The following RPS6KA1 variants were observed in gnomAD, a reference collection of about 807,000 sequenced individuals.
RPS6KA1 encodes ribosomal protein S6 kinase alpha-1.
RPS6KA1 carries 48 observed loss-of-function variants against 91.3 expected under a neutral mutation model. The ratio of observed to expected loss-of-function variants is 0.53; its 90% confidence interval spans 0.42 to 0.67. The LOEUF (loss-of-function observed/expected upper bound fraction) is 0.67. RPS6KA1 is among the 30% of genes least tolerant of loss of function. The pLI, the probability that RPS6KA1 is intolerant of heterozygous loss-of-function variation, is 0.00. For synonymous variants in RPS6KA1, 359 were observed against 384.7 expected (o/e 0.93, Z 0.78); for missense variants, 719 against 960.5 (o/e 0.75, Z 3.32).
Position 26,544,113 on chromosome 1 carries a change from TTCCTGGGGA to T in RPS6KA1, c.109-2750_109-2742del, listed in dbSNP as rs1337922043. ...AACCCACAGCTCTGCCCTTAACCCC[TTCCTGGGGA>T]TCCCTGCCCTGCTGCCTGCCCGTGT... On this transcript the variant is annotated intron_variant, in intron 2 of 21. Transcript: ENST00000374168. 7 of 456,284 alleles carry T rather than the reference TTCCTGGGGA, an allele frequency of 1.5e-5. No individual in the cohort carries two copies. The East Asian group carries it at 4.2e-4, about 27-fold the overall frequency. 28.3% of individuals were successfully genotyped at this position (456,284 alleles called of 1,614,324 possible).
chr1:26,554,317 G>C lies in RPS6KA1; in HGVS notation c.613+66G>C, dbSNP rs919427533. 30 of 1,486,528 alleles carry C rather than the reference G, an allele frequency of 2.0e-5. No individual in the cohort carries two copies. The highest frequency in any genetic ancestry group is 2.7e-5 in the Non-Finnish European group (30 of 1,092,842). 92.1% of individuals were successfully genotyped at this position (1,486,528 alleles called of 1,614,324 possible). A position where few individuals can be genotyped will look rare whatever the true frequency, so the allele number is the denominator to read the frequency against. ...ACAGGACAAGGTCATGATAGGTCTC[G>C]GCTGAGTGCTGGGGGCTCATTCTTC... On this transcript the variant is annotated intron_variant, in intron 8 of 21. Transcript: ENST00000374168. This position sits in a 1 kb window ranked among gnomAD's most constrained non-coding sequence, Gnocchi z 4.6.
Position 26,540,409 on chromosome 1 carries a change from CT to C in RPS6KA1, c.108+3447del, listed in dbSNP as rs1190329210. On this transcript the variant is annotated intron_variant, in intron 2 of 21. Coordinates refer to ENST00000374168, the MANE Select transcript of RPS6KA1 (RefSeq NM_002953.4). The surrounding 1 kb of genome is among the most constrained non-coding windows in gnomAD (Gnocchi z 4.2). ...ACAGGTCTTTCTCTACCTGGAGTGT[CT>C]TTTTTTCCTCCTTTCTGCCTGGCCA... Among the ~76,000 whole-genome samples, 1 of 152,164 alleles carries C rather than the reference CT, an allele frequency of 6.6e-6. No individual in the cohort carries two copies. The highest frequency in any genetic ancestry group is 2.4e-5 in the African/African-American group (1 of 41,432).
At chr1:26,541,966 G>C (rs1263654289) in intron 2 of RPS6KA1, among the ~76,000 whole-genome samples, 1 of 152,218 alleles carries the variant, frequency 6.6e-6, no homozygotes, top group Non-Finnish European at 1.5e-5. Flanking sequence ...GGGGGATGGG[G>C]CAGGGACCAA....
Position 26,571,689 on chromosome 1 carries a change from A to G in RPS6KA1, c.1752+79A>G, listed in dbSNP as rs1454455596. 2 of 1,543,088 alleles carry G rather than the reference A, an allele frequency of 1.3e-6. No homozygotes were observed. The highest frequency in any genetic ancestry group is 1.4e-5 in the African/African-American group (1 of 73,338). On this transcript the variant is annotated intron_variant, in intron 18 of 21. Transcript: ENST00000374168. The surrounding 1 kb of genome is among the most constrained non-coding windows in gnomAD (Gnocchi z 5.1). ...TGCCCCCTCCCAGAGGCCCCACATT[A>G]GCCGGGACTCCAGTCTCTGTGACCT...
Position 26,573,055 on chromosome 1 carries a change from G to A in RPS6KA1, c.1948-169G>A, listed in dbSNP as rs1459599446. Among the ~76,000 whole-genome samples, 10 of 152,328 alleles carry A rather than the reference G, an allele frequency of 6.6e-5. 1 individual carries two copies. In the South Asian group the frequency reaches 1.9e-3, roughly 28 times the overall value. ...TAGAGCAGCAAAGGCCCAGCGACAG[G>A]AACCTTGGCTGTGTGCGGGGAGCCC... On this transcript the variant is annotated intron_variant, in intron 20 of 21. Coordinates refer to ENST00000374168, the MANE Select transcript of RPS6KA1 (RefSeq NM_002953.4).
In RPS6KA1 at chr1:26,555,069, G is replaced by T. The variant is rs933676759; in HGVS notation, c.757-82G>T. 4 of 1,356,018 alleles carry T rather than the reference G, an allele frequency of 2.9e-6. No homozygotes were observed. Among genetic ancestry groups the T allele is most frequent in the Non-Finnish European group, 4.2e-6 (4 of 955,720 alleles). 84.0% of individuals were successfully genotyped at this position (1,356,018 alleles called of 1,614,324 possible). A position where few individuals can be genotyped will look rare whatever the true frequency, so the allele number is the denominator to read the frequency against. On this transcript the variant is annotated intron_variant, in intron 9 of 21. Transcript: ENST00000374168. This position sits in a 1 kb window ranked among gnomAD's most constrained non-coding sequence, Gnocchi z 4.3. ...GTATCAGCAAGAATCCTGGGACTGGGGCAGAGGGGTCTGACTGGGAGGAGG... is the reference window on the plus strand; with the variant it reads ...GTATCAGCAAGAATCCTGGGACTGGTGCAGAGGGGTCTGACTGGGAGGAGG...
At chr1:26,553,314 G>C (rs1197913700) in intron 6 of RPS6KA1, 77 bp from the exon 7 acceptor site, 1 of 987,734 alleles carries the variant, frequency 1.0e-6, no homozygotes, top group African/African-American at 1.6e-5. Flanking sequence ...TCAGGACCAG[G>C]AAGCTGCTGA....
intron 13 of RPS6KA1, among the ~76,000 whole-genome samples, chr1:26,557,565 T>C (rs2076113704): frequency 6.6e-6 from 1 of 152,114 alleles, no homozygotes; most frequent in Non-Finnish European, 1.5e-5. Context: ...CGTGTACTTA[T>C]CTGGAACAAG....
intron 17 of RPS6KA1, among the ~76,000 whole-genome samples, chr1:26,566,643 T>G (rs2076205283): frequency 6.6e-6 from 1 of 152,196 alleles, no homozygotes; most frequent in African/African-American, 2.4e-5. Context: ...GACCTCTTCA[T>G]ATGTTTATTG....
chr1:26,560,627 C>G, intron 14 of RPS6KA1, 99 bp from the exon 15 acceptor site: 1 of 1,482,462 alleles, frequency 6.7e-7, no homozygotes. Context: ...CCTGGCCCTT[C>G]CCTGGTGCTG....
At chr1:26,560,961 C>T (rs1222455853) in intron 15 of RPS6KA1, 84 bp from the exon 16 acceptor site, 70 of 1,598,650 alleles carry the variant, frequency 4.4e-5, no homozygotes, top group Non-Finnish European at 5.7e-5. Flanking sequence ...GGTGTGTGGC[C>T]GAGACCTCCT....
At position 26,574,298 on chromosome 1, in the gene RPS6KA1, T is replaced by C; in HGVS notation, c.*97T>C. 1.3e-6 allele frequency: 2 copies of C among 1,521,094 alleles called. No homozygotes were observed. Among genetic ancestry groups the C allele is most frequent in the Non-Finnish European group, 1.8e-6 (2 of 1,096,114 alleles). The allele number at this position is 1,521,094 out of a possible 1,614,324, so 94.2% of individuals were successfully genotyped here. A position where few individuals can be genotyped will look rare whatever the true frequency, so the allele number is the denominator to read the frequency against. ...CCGGAACCACAGGGCCAGAGGGAGC[T>C]GGAACCCGAGGGGCCGGGGAAGCTG... On this transcript the variant is annotated 3_prime_UTR_variant, in exon 22 of 22. Transcript: ENST00000374168. This position sits in a 1 kb window ranked among gnomAD's most constrained non-coding sequence, Gnocchi z 4.3.
In RPS6KA1 at chr1:26,551,702, C is replaced by A. The variant is rs755963946; in HGVS notation, c.447C>A (p.Leu149=). The A allele has an allele frequency of 2.5e-6, 4 of 1,614,078 alleles. No homozygotes were observed. In the African/African-American group the frequency reaches 5.3e-5, roughly 22 times the overall value. The change falls in exon 6 of 22, where the codon CTC becomes CTA. Residue 149 remains leucine, a synonymous_variant. Coordinates refer to ENST00000374168, the MANE Select transcript of RPS6KA1 (RefSeq NM_002953.4). The surrounding 1 kb of genome is among the most constrained non-coding windows in gnomAD (Gnocchi z 4.5). ...LILDFLRGGD[L]FTRLSKEVMF... ...TGGACTTCCTGCGTGGTGGGGACCTCTTCACCCGGCTCTCAAAAGAGGTGA... is the reference window on the plus strand; with the variant it reads ...TGGACTTCCTGCGTGGTGGGGACCTATTCACCCGGCTCTCAAAAGAGGTGA...
In RPS6KA1 at chr1:26,571,502, G is replaced by A. The variant is rs755356159; in HGVS notation, c.1644G>A (p.Gly548=). ...ACATCCTGTATGTGGACGAGTCCGG[G>A]AATCCCGAGTGCCTGCGCATCTGTG... ...PSNILYVDES[G]NPECLRICDF... Residue 548 remains glycine (G), a synonymous_variant, in exon 18 of 22, where the codon GGG becomes GGA. Transcript: ENST00000374168. This position sits in a 1 kb window ranked among gnomAD's most constrained non-coding sequence, Gnocchi z 5.1. 1.9e-6 allele frequency: 3 copies of A among 1,614,200 alleles called. No homozygotes were observed. In the Admixed American group the frequency reaches 5.0e-5, roughly 27 times the overall value.
intron 2 of RPS6KA1, 137 bp from the exon 3 acceptor site, chr1:26,546,728 AGG>A: frequency 1.6e-6 from 1 of 637,578 alleles, no homozygotes; most frequent in Admixed American, 2.5e-5. Flanking sequence ...ATGACCCTGG[AGG>A]CTAGCCCTTC....
Position 26,554,836 on chromosome 1 carries a change from C to G in RPS6KA1, c.756+98C>G. 6.9e-7 allele frequency: 1 copy of G among 1,448,030 alleles called. No homozygotes were observed. Among genetic ancestry groups the G allele is most frequent in the Non-Finnish European group, 9.3e-7 (1 of 1,072,234 alleles). 89.7% of individuals were successfully genotyped at this position (1,448,030 alleles called of 1,614,324 possible). On this transcript the variant is annotated intron_variant, in intron 9 of 21. Transcript: ENST00000374168. The surrounding 1 kb of genome is among the most constrained non-coding windows in gnomAD (Gnocchi z 4.6). ...GGGTTGATCATTTCTAGGGCTCTCC[C>G]CGTCTCCTCTCACAGCCAAGCTGGC...
intron 20 of RPS6KA1, 152 bp from the exon 21 acceptor site, chr1:26,573,072 G>A (rs527267943): frequency 2.3e-4 from 172 of 743,204 alleles, no homozygotes; most frequent in Middle Eastern, 3.9e-4. Flanking sequence ...GGCTGTGTGC[G>A]GGGAGCCCTG....
chr1:26,543,142 T>A, intron 2 of RPS6KA1: 1 of 1,535,536 alleles, frequency 6.5e-7, no homozygotes, highest in African/African-American at 1.4e-5. Context: ...GGCCCTCTGG[T>A]CACCGGCTTG....
chr1:26,542,923 TAGAGTC>T (rs888500385), intron 2 of RPS6KA1, among the ~76,000 whole-genome samples: 6 of 152,038 alleles, frequency 3.9e-5, no homozygotes, highest in African/African-American at 1.4e-4. Flanking sequence ...CTCTCCTCCT[TAGAGTC>T]AGAGGACATA....
Sources: gnomAD v4.1 joint callset for allele counts (sites outside exome capture counted in the v4.1 genomes callset) on GRCh38, gnomAD v4.1.1 for gene constraint, Gnocchi (gnomAD v3.1) non-coding constraint, MANE v1.5 for transcripts, NCBI Gene and HGNC (gene_info 2026-07-23, HGNC 2026-07-21) for gene names.